PTPRD: variants seen among roughly 807,000 people sequenced by gnomAD.
PTPRD encodes the protein protein tyrosine phosphatase receptor type D, also known as receptor-type tyrosine-protein phosphatase delta.
Under a neutral mutation model 214.5 loss-of-function variants are expected in PTPRD, and 34 were observed. The ratio of observed to expected loss-of-function variants is 0.16; its 90% CI spans 0.12 to 0.21. The LOEUF (loss-of-function observed/expected upper bound fraction) is 0.21. PTPRD is among the 10% of genes least tolerant of loss of function. The pLI is 1.00. For missense variants in PTPRD, 2,545 were observed against 2,398.7 expected (o/e 1.06, Z -1.27); for synonymous variants, 1,128 against 845.7 (o/e 1.33, Z -5.79).
chr9:8,856,269 T>G (rs545483853), intron 11 of PTPRD, among the ~76,000 whole-genome samples: 1 of 152,218 alleles, frequency 6.6e-6, no homozygotes, highest in Non-Finnish European at 1.5e-5. Context: ...CATCCTTGTT[T>G]TACTCAAGTT....
At chr9:8,646,098 C>A (rs7855592) in intron 12 of PTPRD, among the ~76,000 whole-genome samples, 1 of 151,666 alleles carries the variant, frequency 6.6e-6, no homozygotes, top group East Asian at 1.9e-4. Context: ...GTGCCTGAAC[C>A]CCACCCTAAA....
At chr9:10,370,155 C>A (rs1256033799) in intron 2 of PTPRD, among the ~76,000 whole-genome samples, 3 of 152,036 alleles carry the variant, frequency 2.0e-5, no homozygotes, top group Non-Finnish European at 4.4e-5. Context: ...GTTTGCTTAT[C>A]AGTAGGACGT....
intron 10 of PTPRD, among the ~76,000 whole-genome samples, chr9:9,160,176 A>C (rs2154493575): frequency 6.6e-6 from 1 of 152,328 alleles, no homozygotes; most frequent in East Asian, 1.9e-4. Flanking sequence ...ATAAAAAAGC[A>C]AAACATAGAC....
chr9:10,142,444 T>C (rs200353011), intron 3 of PTPRD, among the ~76,000 whole-genome samples: 2,291 of 151,116 alleles, frequency 0.015, 24 homozygotes, highest in African/African-American at 0.036. Flanking sequence ...AACAAACAAC[T>C]CCATCAAAAA....
At chr9:8,444,057 A>G (rs2095638816) in intron 34 of PTPRD, among the ~76,000 whole-genome samples, 1 of 152,174 alleles carries the variant, frequency 6.6e-6, no homozygotes, top group African/African-American at 2.4e-5. Flanking sequence ...CTCTCTATCA[A>G]AATGGTAAAT....
chr9:10,256,573 G>GT (rs1482235023), intron 3 of PTPRD, among the ~76,000 whole-genome samples: 1 of 152,104 alleles, frequency 6.6e-6, no homozygotes, highest in Non-Finnish European at 1.5e-5. Context: ...TTGTCAAGTG[G>GT]TTTTTTATTA....
rs1177394715 is a variant in PTPRD, at chr9:10,071,241, A to G, written c.-544-37451T>C. Among the ~76,000 whole-genome samples the G allele has an allele frequency of 2.6e-5, 4 of 152,016 alleles. No individual in the cohort carries two copies. The East Asian group carries it at 7.8e-4, about 30-fold the overall frequency. On this transcript the variant is annotated intron_variant, in intron 3 of 45. Transcript: ENST00000381196. ...CAATTTTCATTCAAATCCAAGCAAG[A>G]TATTTTGTATATATGGATAACCTGA... is the stretch of plus-strand genomic sequence containing the variant.
intron 11 of PTPRD, among the ~76,000 whole-genome samples, chr9:8,850,179 C>T (rs1051572091): frequency 6.6e-6 from 1 of 152,018 alleles, no homozygotes. Context: ...GAGAGCCTCC[C>T]ATTTCCCAGT....
In PTPRD at chr9:8,941,968, G is replaced by A. The variant is rs544002261; in HGVS notation, c.-104+76729C>T. Among the ~76,000 whole-genome samples the A allele has an allele frequency of 1.6e-4, 24 of 152,200 alleles. 1 individual carries two copies. The South Asian group carries it at 4.8e-3, about 30-fold the overall frequency. ...TTACAGGCGCCCACTACCATGCCCA[G>A]CTAATTTTTGTATTTTTACTAGAGA... On this transcript the variant is annotated intron_variant, in intron 11 of 45. Coordinates refer to ENST00000381196, the MANE Select transcript of PTPRD (RefSeq NM_002839.4).
intron 5 of PTPRD, among the ~76,000 whole-genome samples, chr9:9,915,183 G>A (rs1041560531): frequency 1.3e-5 from 2 of 152,050 alleles, no homozygotes; most frequent in Non-Finnish European, 2.9e-5. Flanking sequence ...TAGAATGAAG[G>A]CCCACACACC....
chr9:10,332,137 G>A (rs185051427), intron 3 of PTPRD, among the ~76,000 whole-genome samples: 1 of 151,798 alleles, frequency 6.6e-6, no homozygotes, highest in African/African-American at 2.4e-5. Context: ...TGAAAGTGTT[G>A]CTTCTTTTCC....
intron 37 of PTPRD, among the ~76,000 whole-genome samples, chr9:8,385,025 A>T (rs2086494513): frequency 1.3e-5 from 2 of 152,208 alleles, no homozygotes; most frequent in Non-Finnish European, 1.5e-5. Flanking sequence ...CAAATAATCA[A>T]CTTAAGTCCT....
At chr9:8,328,379 G>T (rs966733828) in intron 44 of PTPRD, among the ~76,000 whole-genome samples, 4 of 152,200 alleles carry the variant, frequency 2.6e-5, no homozygotes, top group Non-Finnish European at 5.9e-5. Context: ...TTGCTGTCGA[G>T]AGACCTGCTG....
At chr9:8,663,697 G>C (rs2097113396) in intron 12 of PTPRD, among the ~76,000 whole-genome samples, 1 of 151,998 alleles carries the variant, frequency 6.6e-6, no homozygotes, top group African/African-American at 2.4e-5. Context: ...TACCATGTTG[G>C]TCAGGCTGGT....
At chr9:8,401,641 A>G (rs149490993) in intron 36 of PTPRD, among the ~76,000 whole-genome samples, 307 of 152,260 alleles carry the variant, frequency 2.0e-3, no homozygotes, top group African/African-American at 7.0e-3. Flanking sequence ...TACTGCCCAC[A>G]CACAATTCCT....
intron 9 of PTPRD, among the ~76,000 whole-genome samples, chr9:9,379,928 G>T (rs967863639): frequency 9.9e-5 from 15 of 151,778 alleles, no homozygotes; most frequent in Non-Finnish European, 1.8e-4. Flanking sequence ...GGAGTTTTTT[G>T]ATTCTTTTGT....
chr9:8,919,100 C>T (rs764442763), intron 11 of PTPRD, among the ~76,000 whole-genome samples: 25 of 152,088 alleles, frequency 1.6e-4, no homozygotes, highest in Non-Finnish European at 3.1e-4. Context: ...AGGATGAGAG[C>T]TGTTATCTAA....
rs868337695 is a variant in PTPRD at position 9,788,484 on chromosome 9, A to G, written c.-367-21633T>C. On this transcript the variant is annotated intron_variant, in intron 5 of 45. Transcript: ENST00000381196. ...GGAGAATGGCATGAACCCGGGAGGCAGAGCTTGCAGTGAGCCGAGATCGGG... is the reference window on the plus strand; with the variant it reads ...GGAGAATGGCATGAACCCGGGAGGCGGAGCTTGCAGTGAGCCGAGATCGGG... 7.3e-5 allele frequency among the ~76,000 whole-genome samples: 11 copies of G among 149,782 alleles called. No homozygotes were observed. In the East Asian group the frequency reaches 1.2e-3, roughly 16 times the overall value.
intron 7 of PTPRD, among the ~76,000 whole-genome samples, chr9:9,714,089 C>A (rs1374272562): frequency 2.4e-4 from 31 of 126,934 alleles, no homozygotes; most frequent in East Asian, 7.0e-4. Flanking sequence ...TTCACTTGCG[C>A]AAAAAAAAAA....
Sources: allele counts gnomAD v4.1 joint callset (sites outside exome capture counted in the v4.1 genomes callset), GRCh38; gene constraint gnomAD v4.1.1; transcripts MANE v1.5; gene names NCBI Gene and HGNC (gene_info 2026-07-23, HGNC 2026-07-21).